MAPT: variants seen among roughly 807,000 people sequenced by gnomAD.
MAPT encodes microtubule-associated protein tau.
In MAPT, 34 loss-of-function variants were observed where a neutral mutation model predicts 67.9. That is an observed-to-expected ratio of 0.50 (90% CI 0.38 to 0.67). The LOEUF is 0.67. Among genes scored for constraint, MAPT ranks in the 30% least tolerant of loss-of-function variants. The probability of loss-of-function intolerance (pLI) is 0.00; values close to 1 mark genes in which losing one functional copy is unlikely to be tolerated. For synonymous variants in MAPT, 456 were observed against 464.5 expected (o/e 0.98, Z 0.23); for missense variants, 881 against 1,115.2 (o/e 0.79, Z 2.99).
At chr17:45,900,601 T>C (rs1305675523) in intron 1 of MAPT, among the ~76,000 whole-genome samples, 1 of 152,202 alleles carries the variant, frequency 6.6e-6, no homozygotes, top group Admixed American at 6.5e-5. Flanking sequence ...ATGCATTTTG[T>C]GCCAAGGCTA....
chr17:46,020,977 C>A (rs1463703242), intron 12 of MAPT, among the ~76,000 whole-genome samples: 1 of 152,182 alleles, frequency 6.6e-6, no homozygotes, highest in Non-Finnish European at 1.5e-5. Flanking sequence ...GTCTTTCCAC[C>A]AGGCCACTCA....
chr17:45,898,577 TA>T (rs1456592468), intron 1 of MAPT: 2 of 152,228 alleles, frequency 1.3e-5, no homozygotes, highest in Non-Finnish European at 2.9e-5. Context: ...GAAACTGTTT[TA>T]TTCCACTTTC....
rs1205848609 is a variant in MAPT at position 45,996,715 on chromosome 17, G to T, written c.1998+51G>T. The T allele has an allele frequency of 6.2e-7, 1 of 1,603,054 alleles. No individual in the cohort carries two copies. The highest frequency in any genetic ancestry group is 1.7e-5 in the Admixed American group (1 of 59,096). On this transcript the variant is annotated intron_variant, in intron 9 of 12. Coordinates refer to ENST00000262410, the MANE Select transcript of MAPT (RefSeq NM_001377265.1). This position sits in a 1 kb window ranked among gnomAD's most constrained non-coding sequence, Gnocchi z 4.5. ...GGTGTGGGGGGCTGCGCCTGGAGGG[G>T]TAGGGCTGTGCCTGGAAGGGTAGGG...
intron 1 of MAPT, among the ~76,000 whole-genome samples, chr17:45,954,687 A>G (rs1306244015): frequency 6.6e-6 from 1 of 152,226 alleles, no homozygotes; most frequent in African/African-American, 2.4e-5. Context: ...ATTTAAAATT[A>G]TAATGAAAGC....
chr17:45,978,159 T>C (rs545190870), intron 3 of MAPT: 9 of 606,694 alleles, frequency 1.5e-5, no homozygotes, highest in African/African-American at 1.3e-4. Context: ...TACACCTGCA[T>C]GTGGGTGCTG....
intron 1 of MAPT, among the ~76,000 whole-genome samples, chr17:45,951,355 A>G (rs2069057559): frequency 6.6e-6 from 1 of 152,220 alleles, no homozygotes; most frequent in Admixed American, 6.5e-5. Context: ...TTTACGTTGC[A>G]TGAATTTTAA....
At chr17:45,911,202 G>A (rs995575919) in intron 1 of MAPT, among the ~76,000 whole-genome samples, 3 of 152,122 alleles carry the variant, frequency 2.0e-5, no homozygotes, top group Non-Finnish European at 4.4e-5. Flanking sequence ...TCCCTCACTC[G>A]CCCATCGCAG....
intron 1 of MAPT, among the ~76,000 whole-genome samples, chr17:45,943,852 C>T (rs28416808): frequency 0.15 from 22,777 of 152,142 alleles, 2,204 homozygotes; most frequent in Non-Finnish European, 0.22. Context: ...AGTTTACCTT[C>T]GCTCCACCAC....
At chr17:45,904,339 T>TATATATA (rs2064122404) in intron 1 of MAPT, among the ~76,000 whole-genome samples, 2 of 78,268 alleles carry the variant, frequency 2.6e-5, no homozygotes, top group African/African-American at 1.1e-4. Context: ...TTATATATTA[T>TATATATA]ATATATATTA....
Position 45,983,599 on chromosome 17 carries a change from C to T in MAPT, c.1020C>T (p.Ile340=). The T allele has an allele frequency of 6.2e-7, 1 of 1,613,452 alleles. No homozygotes were observed. The highest frequency in any genetic ancestry group is 8.5e-7 in the Non-Finnish European group (1 of 1,180,012). ...SIPGFPAEGA[I]PLPVDFLSKV... The stretch of plus-strand genomic sequence containing the variant: ...CAGGCTTCCCAGCGGAGGGTGCCAT[C>T]CCCCTCCCTGTGGATTTCCTCTCCA... Residue 340 remains isoleucine (I), a synonymous_variant, in exon 5 of 13, where the codon ATC becomes ATT. Coordinates refer to ENST00000262410, the MANE Select transcript of MAPT (RefSeq NM_001377265.1).
chr17:46,020,099 C>T (rs951521843), intron 12 of MAPT, among the ~76,000 whole-genome samples: 1 of 151,916 alleles, frequency 6.6e-6, no homozygotes, highest in Middle Eastern at 3.2e-3. Flanking sequence ...CCCCAGTCAG[C>T]TGTGGCGCAC....
chr17:45,999,647 C>T lies in MAPT; in HGVS notation c.1998+2983C>T, dbSNP rs372382887. On this transcript the variant is annotated intron_variant, in intron 9 of 12. Transcript: ENST00000262410. ...CTGCCCATGAGGGGTGAGAGTCAGG[C>T]GACCTCATGCCAAGTGTAGAAAGGG... 6.2e-6 allele frequency: 10 copies of T among 1,605,010 alleles called. No homozygotes were observed. Among genetic ancestry groups the T allele is most frequent in the South Asian group, 2.2e-5 (2 of 89,624 alleles).
chr17:45,974,293 C>A, intron 3 of MAPT: 1 of 906,470 alleles, frequency 1.1e-6, no homozygotes, highest in Non-Finnish European at 1.8e-6. Context: ...CCTCACTCCT[C>A]CTCCCTGCAT....
chr17:45,941,627 CTTCCCTCT>C (rs1401491326), intron 1 of MAPT, among the ~76,000 whole-genome samples: 1 of 131,776 alleles, frequency 7.6e-6, no homozygotes, highest in African/African-American at 2.9e-5. Flanking sequence ...CCCTTCCCTC[CTTCCCTCT>C]TTCCCTCCTT....
At chr17:45,943,847 A>G (rs926950787) in intron 1 of MAPT, among the ~76,000 whole-genome samples, 1 of 151,996 alleles carries the variant, frequency 6.6e-6, no homozygotes, top group African/African-American at 2.4e-5. Context: ...TTTGAAGTTT[A>G]CCTTCGCTCC....
chr17:45,955,470 G>A (rs1441608531), intron 1 of MAPT, among the ~76,000 whole-genome samples: 1 of 152,210 alleles, frequency 6.6e-6, no homozygotes, highest in Non-Finnish European at 1.5e-5. Flanking sequence ...GGGCACCTCT[G>A]TGGTGCTGCC....
intron 1 of MAPT, among the ~76,000 whole-genome samples, chr17:45,928,090 C>T (rs1325172562): frequency 1.3e-5 from 2 of 151,504 alleles, no homozygotes; most frequent in Non-Finnish European, 2.9e-5. Flanking sequence ...GGAATCCAGC[C>T]AGGACTCAGC....
At chr17:46,001,656 G>T (rs1335413189) in intron 9 of MAPT, among the ~76,000 whole-genome samples, 3 of 152,110 alleles carry the variant, frequency 2.0e-5, no homozygotes, top group African/African-American at 7.2e-5. Flanking sequence ...CAGTGAGACT[G>T]AGACTCTATT....
intron 9 of MAPT, among the ~76,000 whole-genome samples, chr17:46,009,657 C>T (rs927413861): frequency 2.0e-5 from 3 of 152,236 alleles, no homozygotes; most frequent in Non-Finnish European, 4.4e-5. Context: ...ATTTGTCTTC[C>T]CCACAAAGCG....
Sources: gnomAD v4.1 joint callset for allele counts (sites outside exome capture counted in the v4.1 genomes callset) on GRCh38, gnomAD v4.1.1 for gene constraint, Gnocchi (gnomAD v3.1) non-coding constraint, MANE v1.5 for transcripts, NCBI Gene and HGNC (gene_info 2026-07-23, HGNC 2026-07-21) for gene names.